The following PGM5 variants were observed in gnomAD, a reference collection of about 807,000 sequenced individuals.
PGM5 encodes phosphoglucomutase 5, also known as phosphoglucomutase-like protein 5.
Under a neutral mutation model 59.2 loss-of-function variants are expected in PGM5, and 23 were observed. The ratio of observed to expected loss-of-function variants is 0.39; its 90% CI spans 0.28 to 0.55. The LOEUF (loss-of-function observed/expected upper bound fraction) is 0.55. Ranked by LOEUF, PGM5 falls within the 20% of genes least tolerant of loss-of-function variation. The pLI is 0.66. For synonymous variants in PGM5, 214 were observed against 286.0 expected (o/e 0.75, Z 2.54); for missense variants, 574 against 748.3 (o/e 0.77, Z 2.72).
chr9:68,431,196 C>A (rs1213154221), intron 6 of PGM5, among the ~76,000 whole-genome samples: 1 of 152,248 alleles, frequency 6.6e-6, no homozygotes, highest in Admixed American at 6.5e-5. Context: ...CACTTCCTCA[C>A]TGTCACAGCC....
intron 1 of PGM5, among the ~76,000 whole-genome samples, chr9:68,372,615 C>T (rs1186725507): frequency 2.0e-5 from 3 of 152,088 alleles, no homozygotes; most frequent in African/African-American, 4.8e-5. Flanking sequence ...CCTGCCATCA[C>T]GGCCATGGTA....
At chr9:68,381,893 A>G (rs1157383062) in intron 2 of PGM5, among the ~76,000 whole-genome samples, 2 of 151,990 alleles carry the variant, frequency 1.3e-5, no homozygotes, top group Admixed American at 1.3e-4. Context: ...ACACAAATAA[A>G]TAGATATCCT....
At chr9:68,440,177 T>C (rs953400278) in intron 6 of PGM5, among the ~76,000 whole-genome samples, 6 of 152,284 alleles carry the variant, frequency 3.9e-5, no homozygotes, top group African/African-American at 1.4e-4. Context: ...CAGAAACAGA[T>C]AGATCTGATG....
intron 1 of PGM5, among the ~76,000 whole-genome samples, chr9:68,359,504 A>G (rs1266994663): frequency 3.3e-5 from 5 of 152,230 alleles, no homozygotes; most frequent in Non-Finnish European, 7.3e-5. Context: ...GCTAAAGTGA[A>G]GTGAATAGCC....
intron 6 of PGM5, among the ~76,000 whole-genome samples, chr9:68,439,307 A>G (rs1823488844): frequency 6.6e-6 from 1 of 151,574 alleles, no homozygotes; most frequent in Admixed American, 6.6e-5. Flanking sequence ...ACAAGGCTGC[A>G]GTGAACTGTG....
chr9:68,425,651 G>A (rs1433005442), intron 6 of PGM5, among the ~76,000 whole-genome samples: 1 of 152,062 alleles, frequency 6.6e-6, no homozygotes, highest in Non-Finnish European at 1.5e-5. Context: ...TAGGTCACAT[G>A]CTAAATATTC....
At chr9:68,429,283 T>C (rs1208595910) in intron 6 of PGM5, 3 of 152,224 alleles carry the variant, frequency 2.0e-5, no homozygotes, top group South Asian at 2.1e-4. Context: ...GACAGAACTC[T>C]AATTAAATCT....
rs1563984997 is a variant in PGM5 at position 68,376,872 on chromosome 9, C to CTTTTT, written c.262-1326_262-1325insTTTTT. 3.8e-4 allele frequency among the ~76,000 whole-genome samples: 43 copies of CTTTTT among 113,486 alleles called. 5 individuals carry two copies. The highest frequency in any genetic ancestry group is 1.4e-3 in the African/African-American group (41 of 28,774). 74.5% of individuals were successfully genotyped at this position (113,486 alleles called of 152,430 possible). A position where few individuals can be genotyped will look rare whatever the true frequency, so the allele number is the denominator to read the frequency against. On this transcript the variant is annotated intron_variant, in intron 1 of 10. Coordinates refer to ENST00000396396, the MANE Select transcript of PGM5 (RefSeq NM_021965.4). ...CTTTCTCTTTCTTTCTTTTTTCTTT[C>CTTTTT]TCTTTCTTTCTTTTTTTCTTTCTTT...
intron 1 of PGM5, among the ~76,000 whole-genome samples, chr9:68,363,503 A>G (rs1353634485): frequency 1.9e-4 from 29 of 152,212 alleles, no homozygotes; most frequent in Admixed American, 3.9e-4. Flanking sequence ...ACCCAAAAGA[A>G]CTGTAGGTTA....
chr9:68,521,890 C>T (rs1012717098), intron 10 of PGM5, among the ~76,000 whole-genome samples: 3 of 152,332 alleles, frequency 2.0e-5, no homozygotes, highest in South Asian at 2.1e-4. Flanking sequence ...CTACAGACAG[C>T]GGCCAGTGCT....
chr9:68,431,126 C>T (rs118176182), intron 6 of PGM5, among the ~76,000 whole-genome samples: 333 of 152,258 alleles, frequency 2.2e-3, no homozygotes, highest in Non-Finnish European at 3.5e-3. Flanking sequence ...GTCCTCAGAA[C>T]GCATTAAAAG....
chr9:68,497,745 C>T (rs1458308287), intron 9 of PGM5: 1 of 152,206 alleles, frequency 6.6e-6, no homozygotes, highest in African/African-American at 2.4e-5. Context: ...AATAACAAAT[C>T]ACCAGATATA....
chr9:68,369,721 A>G (rs1229057380), intron 1 of PGM5, among the ~76,000 whole-genome samples: 5 of 152,286 alleles, frequency 3.3e-5, no homozygotes, highest in South Asian at 4.2e-4. Context: ...TGATTATGAA[A>G]TCCATGGTGG....
chr9:68,474,249 G>A (rs995799789), intron 7 of PGM5, among the ~76,000 whole-genome samples: 1 of 152,200 alleles, frequency 6.6e-6, no homozygotes, highest in Admixed American at 6.5e-5. Context: ...GTTACAACTT[G>A]GAGTTGGCAA....
At chr9:68,529,197 G>GTA (rs1825040132) in intron 10 of PGM5, among the ~76,000 whole-genome samples, 1 of 151,754 alleles carries the variant, frequency 6.6e-6, no homozygotes, top group Non-Finnish European at 1.5e-5. Context: ...GTGTGTGTGT[G>GTA]TGTGTGTGTG....
intron 10 of PGM5, among the ~76,000 whole-genome samples, chr9:68,507,129 G>C (rs1307900169): frequency 1.3e-5 from 2 of 152,126 alleles, no homozygotes; most frequent in African/African-American, 4.8e-5. Flanking sequence ...CTCAGAATTT[G>C]GTCGGTATTG....
chr9:68,521,445 T>G (rs1478099797), intron 10 of PGM5, among the ~76,000 whole-genome samples: 3 of 152,206 alleles, frequency 2.0e-5, no homozygotes, highest in Non-Finnish European at 4.4e-5. Flanking sequence ...GTCCTTTGAG[T>G]AACAAACTGG....
At position 68,499,302 on chromosome 9, in the gene PGM5, C is replaced by A; in HGVS notation, c.1555C>A (p.Leu519Ile). 6.2e-7 allele frequency: 1 copy of A among 1,614,164 alleles called. No individual in the cohort carries two copies. The highest frequency in any genetic ancestry group is 1.7e-5 in the Admixed American group (1 of 60,018). ...TTCCTCCAGTGGTGTGCGGGCCACC[C>A]TCAGACTGTACGCAGAGAGCTACGA... The part of the protein sequence containing the change: ...LSSSSGVRAT[L>I]RLYAESYERD... The change falls in exon 10 of 11, where the codon CTC becomes ATC. Residue 519 changes from leucine to isoleucine, a missense_variant. By Grantham distance (5) the Leu-to-Ile change is conservative. Coordinates refer to ENST00000396396, the MANE Select transcript of PGM5 (RefSeq NM_021965.4).
At chr9:68,492,882 G>A (rs1554687950) in intron 9 of PGM5, among the ~76,000 whole-genome samples, 1 of 152,106 alleles carries the variant, frequency 6.6e-6, no homozygotes, top group African/African-American at 2.4e-5. Context: ...ACAAAATATG[G>A]TTCAGATGTT....
Sources: allele counts gnomAD v4.1 joint callset (sites outside exome capture counted in the v4.1 genomes callset), GRCh38; gene constraint gnomAD v4.1.1; transcripts MANE v1.5; gene names NCBI Gene and HGNC (gene_info 2026-07-23, HGNC 2026-07-21).